Variants in SLC39A8 observed in about 807,000 individuals in gnomAD.
SLC39A8 encodes solute carrier family 39 member 8.
A neutral mutation model predicts 40.4 loss-of-function variants in SLC39A8; 15 were observed. The ratio of observed to expected loss-of-function variants is 0.37; its 90% CI spans 0.25 to 0.57. The LOEUF (loss-of-function observed/expected upper bound fraction) is 0.57, where lower values mean the gene tolerates loss of function less well. Among genes scored for constraint, SLC39A8 ranks in the 20% least tolerant of loss-of-function variants. SLC39A8 has a pLI of 0.75. For missense variants in SLC39A8, 472 were observed against 558.8 expected, an observed-to-expected ratio of 0.84 and a Z score of 1.57; for synonymous variants, 223 against 221.6, an observed-to-expected ratio of 1.01 and a Z score of -0.06.
chr4:102,331,387 G>A (rs1420918658), intron 2 of SLC39A8, among the ~76,000 whole-genome samples: 1 of 151,974 alleles, frequency 6.6e-6, no homozygotes, highest in Non-Finnish European at 1.5e-5. Flanking sequence ...ACAGATGAGA[G>A]CCAAATCGTG....
chr4:102,323,041 G>A (rs1277449392), intron 2 of SLC39A8, among the ~76,000 whole-genome samples: 1 of 152,122 alleles, frequency 6.6e-6, no homozygotes, highest in Non-Finnish European at 1.5e-5. Flanking sequence ...TCTGAAATTT[G>A]CCATGTATGC....
intron 8 of SLC39A8, 102 bp downstream of exon 8, chr4:102,267,388 C>T (rs1732148552): frequency 4.7e-6 from 5 of 1,069,042 alleles, no homozygotes; most frequent in Non-Finnish European, 6.6e-6. Flanking sequence ...GAAAGGCCTT[C>T]CACACTGCGG....
At chr4:102,307,976 G>GA (rs1439745835) in intron 3 of SLC39A8, among the ~76,000 whole-genome samples, 6 of 126,118 alleles carry the variant, frequency 4.8e-5, no homozygotes, top group Admixed American at 2.6e-4. Flanking sequence ...ACAGCATTTT[G>GA]AAAAAAAAGA....
chr4:102,279,626 G>T (rs1010979437), intron 6 of SLC39A8, among the ~76,000 whole-genome samples: 2 of 152,138 alleles, frequency 1.3e-5, no homozygotes. Flanking sequence ...AGGTATTGTC[G>T]ATGGGGGGGC....
chr4:102,260,455 G>A (rs1359897165), downstream of SLC39A8, among the ~76,000 whole-genome samples: 5 of 152,164 alleles, frequency 3.3e-5, no homozygotes, highest in African/African-American at 1.2e-4. Context: ...GAAGAGCTGA[G>A]TTTGAACTTT....
chr4:102,345,104 A>C, intron 1 of SLC39A8, 189 bp from the exon 2 acceptor site: 3 of 168,524 alleles, frequency 1.8e-5, no homozygotes, highest in Non-Finnish European at 3.7e-5. Context: ...AAAGCCCCAA[A>C]CCACGCCACT....
chr4:102,272,501 C>T (rs1732412138), intron 6 of SLC39A8, among the ~76,000 whole-genome samples: 2 of 152,048 alleles, frequency 1.3e-5, no homozygotes, highest in African/African-American at 4.8e-5. Context: ...TTCCCAGCTA[C>T]TCGAAAGGCT....
At chr4:102,309,057 A>G (rs1734312775) in intron 3 of SLC39A8, among the ~76,000 whole-genome samples, 1 of 152,130 alleles carries the variant, frequency 6.6e-6, no homozygotes, top group Non-Finnish European at 1.5e-5. Context: ...AAAGGACTCA[A>G]TAAAACTGTA....
rs201406077 is a variant in SLC39A8 at position 102,327,422 on chromosome 4, T to G, written c.220-11592A>C. On this transcript the variant is annotated intron_variant, in intron 2 of 8. Coordinates refer to ENST00000356736, the MANE Select transcript of SLC39A8 (RefSeq NM_001135146.2). The stretch of plus-strand genomic sequence containing the variant: ...TCAGCCTTATATTGTAACTTCACTG[T>G]GACTTTGCATCTCCCATGACCCCTG... Among the ~76,000 whole-genome samples the G allele has an allele frequency of 3.3e-5, 5 of 152,330 alleles. No individual in the cohort carries two copies. The East Asian group carries it at 9.6e-4, about 29-fold the overall frequency.
intron 3 of SLC39A8, among the ~76,000 whole-genome samples, chr4:102,313,770 G>A (rs1379957520): frequency 2.0e-5 from 3 of 151,916 alleles, no homozygotes; most frequent in Non-Finnish European, 4.4e-5. Context: ...TTTAACTTTT[G>A]TTGTGATGGG....
chr4:102,306,920 T>A (rs1297941616), intron 4 of SLC39A8, among the ~76,000 whole-genome samples: 1 of 152,052 alleles, frequency 6.6e-6, no homozygotes, highest in African/African-American at 2.4e-5. Context: ...TAGTCCTCAA[T>A]TGATATTTTT....
intron 2 of SLC39A8, among the ~76,000 whole-genome samples, chr4:102,323,550 A>C (rs553374687): frequency 5.3e-5 from 8 of 152,332 alleles, no homozygotes; most frequent in African/African-American, 1.9e-4. Flanking sequence ...TTGGTGAATA[A>C]ATTTTATAAG....
At chr4:102,274,469 C>T (rs142062734) in intron 6 of SLC39A8, among the ~76,000 whole-genome samples, 17 of 152,288 alleles carry the variant, frequency 1.1e-4, no homozygotes, top group Non-Finnish European at 1.9e-4. Context: ...ACCAAACCTA[C>T]GTTTGATTGG....
chr4:102,281,933 T>C (rs914740720), intron 6 of SLC39A8, among the ~76,000 whole-genome samples: 1 of 152,198 alleles, frequency 6.6e-6, no homozygotes, highest in Non-Finnish European at 1.5e-5. Flanking sequence ...GTGATAATAA[T>C]ATTTATAGTA....
At chr4:102,255,189 G>A (rs1290274052) in intron 11 of SLC39A8, among the ~76,000 whole-genome samples, 2 of 152,022 alleles carry the variant, frequency 1.3e-5, no homozygotes, top group African/African-American at 2.4e-5. Context: ...TCAAGAGCTG[G>A]GAATTTTGTT....
chr4:102,266,621 T>C (rs1414141491), intron 8 of SLC39A8, among the ~76,000 whole-genome samples: 4 of 152,062 alleles, frequency 2.6e-5, no homozygotes, highest in African/African-American at 7.2e-5. Context: ...CACACTCTTT[T>C]TTTTTTAGAT....
At chr4:102,325,406 C>T (rs1021122714) in intron 2 of SLC39A8, among the ~76,000 whole-genome samples, 4 of 148,918 alleles carry the variant, frequency 2.7e-5, no homozygotes, top group Admixed American at 2.0e-4. Context: ...CACACTCACA[C>T]TCATATACAC....
intron 6 of SLC39A8, among the ~76,000 whole-genome samples, chr4:102,270,441 T>A (rs566509276): frequency 1.3e-5 from 2 of 152,328 alleles, no homozygotes; most frequent in South Asian, 4.1e-4. Context: ...CTTTTTTAAT[T>A]CACCTAGAAT....
chr4:102,326,109 T>C (rs1735186578), intron 2 of SLC39A8, among the ~76,000 whole-genome samples: 1 of 152,190 alleles, frequency 6.6e-6, no homozygotes, highest in Admixed American at 6.5e-5. Flanking sequence ...CTTCCCATCA[T>C]CTGCTAGGGA....
Sources: allele counts gnomAD v4.1 joint callset (sites outside exome capture counted in the v4.1 genomes callset), GRCh38; gene constraint gnomAD v4.1.1; transcripts MANE v1.5; gene names NCBI Gene and HGNC (gene_info 2026-07-23, HGNC 2026-07-21).